The following DSCAM variants were observed in gnomAD, a reference collection of about 807,000 sequenced individuals.
The protein encoded by DSCAM is cell adhesion molecule DSCAM.
In DSCAM, 47 loss-of-function variants were observed where a neutral mutation model predicts 217.7. That is an observed-to-expected ratio of 0.22 (90% CI 0.17 to 0.28). The LOEUF (loss-of-function observed/expected upper bound fraction) is 0.28. Among genes scored for constraint, DSCAM ranks in the 10% least tolerant of loss-of-function variants. The probability of loss-of-function intolerance (pLI) is 1.00; values close to 1 mark genes in which losing one functional copy is unlikely to be tolerated. For missense variants in DSCAM, 2,080 were observed against 2,618.3 expected, an observed-to-expected ratio of 0.79 and a Z score of 4.49; for synonymous variants, 1,056 against 1,015.3, an observed-to-expected ratio of 1.04 and a Z score of -0.76.
chr21:40,239,931 A>G (rs916492300), intron 11 of DSCAM, among the ~76,000 whole-genome samples: 5 of 152,184 alleles, frequency 3.3e-5, no homozygotes, highest in African/African-American at 1.2e-4. Context: ...CGAGCATCTC[A>G]GTTATACTTC....
At chr21:40,816,326 A>G (rs2091881537) in intron 1 of DSCAM, among the ~76,000 whole-genome samples, 1 of 152,124 alleles carries the variant, frequency 6.6e-6, no homozygotes, top group East Asian at 1.9e-4. Flanking sequence ...AAATAAAAAG[A>G]GGGGGTGACC....
chr21:40,360,361 C>T (rs903113053), intron 4 of DSCAM, among the ~76,000 whole-genome samples: 2 of 151,806 alleles, frequency 1.3e-5, no homozygotes, highest in Non-Finnish European at 2.9e-5. Context: ...GTCTCTATCT[C>T]CTGACCTTGT....
chr21:40,800,715 C>CTTTTTTTT (rs34391500), intron 1 of DSCAM, among the ~76,000 whole-genome samples: 19 of 131,070 alleles, frequency 1.4e-4, no homozygotes, highest in East Asian at 1.2e-3. Context: ...TTCTTACTTT[C>CTTTTTTTT]TTTTTTTTTT....
intron 3 of DSCAM, among the ~76,000 whole-genome samples, chr21:40,487,867 G>A (rs114891532): frequency 0.011 from 1,653 of 152,300 alleles, 35 homozygotes; most frequent in African/African-American, 0.037. Flanking sequence ...AGAGAGAAGA[G>A]AGTTGTAGCC....
intron 3 of DSCAM, among the ~76,000 whole-genome samples, chr21:40,578,632 TG>T (rs1311097036): frequency 1.3e-5 from 2 of 152,212 alleles, no homozygotes; most frequent in African/African-American, 4.8e-5. Context: ...TTTGTTCTTT[TG>T]CTCTTCACAA....
intron 1 of DSCAM, among the ~76,000 whole-genome samples, chr21:40,795,815 C>T (rs1407017113): frequency 6.6e-6 from 1 of 152,170 alleles, no homozygotes; most frequent in Admixed American, 6.5e-5. Flanking sequence ...TTTTCTTTAA[C>T]TGCAGATGCC....
chr21:40,240,350 T>G (rs796189495), intron 11 of DSCAM, among the ~76,000 whole-genome samples: 2 of 58,576 alleles, frequency 3.4e-5, no homozygotes, highest in African/African-American at 2.3e-4. Context: ...TCCTCACTGG[T>G]TTTTTTTTTT....
At chr21:40,335,220 A>T (rs922571481) in intron 8 of DSCAM, among the ~76,000 whole-genome samples, 2 of 152,116 alleles carry the variant, frequency 1.3e-5, no homozygotes, top group Admixed American at 1.3e-4. Flanking sequence ...AACAACTGCC[A>T]TTTCTCTCCA....
intron 11 of DSCAM, among the ~76,000 whole-genome samples, chr21:40,249,020 G>A (rs1185008659): frequency 6.6e-6 from 1 of 152,156 alleles, no homozygotes; most frequent in Non-Finnish European, 1.5e-5. Flanking sequence ...AGGAAAGACT[G>A]ACCCCCATGA....
At chr21:40,453,038 CTT>C (rs1491132718) in intron 3 of DSCAM, among the ~76,000 whole-genome samples, 175 of 96,264 alleles carry the variant, frequency 1.8e-3, no homozygotes, top group South Asian at 0.013. Context: ...ATTTTAAAGA[CTT>C]TGTGTGTGTG....
chr21:40,079,297 A>T (rs2089418529), intron 25 of DSCAM, among the ~76,000 whole-genome samples: 1 of 152,138 alleles, frequency 6.6e-6, no homozygotes, highest in Non-Finnish European at 1.5e-5. Context: ...TGTGCTGGGC[A>T]CTTTTTCCAT....
chr21:40,764,790 GT>G (rs35414888), intron 1 of DSCAM, among the ~76,000 whole-genome samples: 47,445 of 151,978 alleles, frequency 0.31, 8,582 homozygotes, highest in East Asian at 0.4. Context: ...ATGAGTTCAT[GT>G]CCTTTGCAAG....
At chr21:40,759,731 T>TC (rs2146580839) in intron 1 of DSCAM, among the ~76,000 whole-genome samples, 1 of 152,154 alleles carries the variant, frequency 6.6e-6, no homozygotes, top group South Asian at 2.1e-4. Flanking sequence ...TCCCCATCCC[T>TC]CCTGCCATCA....
chr21:40,746,057 A>C (rs1029219329), intron 1 of DSCAM, among the ~76,000 whole-genome samples: 1 of 151,988 alleles, frequency 6.6e-6, no homozygotes, highest in Non-Finnish European at 1.5e-5. Flanking sequence ...TAATAGATAC[A>C]CTAAAAATAA....
chr21:40,451,500 C>T (rs1050544017), intron 3 of DSCAM, among the ~76,000 whole-genome samples: 4 of 152,094 alleles, frequency 2.6e-5, no homozygotes, highest in Admixed American at 6.5e-5. Context: ...CATAAGAATC[C>T]TACACAATTA....
chr21:40,586,780 T>C (rs1022563333), intron 3 of DSCAM, among the ~76,000 whole-genome samples: 9 of 152,216 alleles, frequency 5.9e-5, no homozygotes, highest in African/African-American at 2.2e-4. Context: ...GCCATGTCAA[T>C]ACTTACGCAA....
intron 3 of DSCAM, among the ~76,000 whole-genome samples, chr21:40,504,277 C>A (rs768927604): frequency 2.6e-5 from 4 of 152,114 alleles, no homozygotes; most frequent in Non-Finnish European, 5.9e-5. Flanking sequence ...AAGTCTGTAC[C>A]AGGGATGTTG....
At chr21:40,459,094 A>C (rs1601659847) in intron 3 of DSCAM, among the ~76,000 whole-genome samples, 1 of 152,106 alleles carries the variant, frequency 6.6e-6, no homozygotes, top group East Asian at 1.9e-4. Flanking sequence ...TAAAATACGA[A>C]CAAAAAAGCA....
intron 16 of DSCAM, among the ~76,000 whole-genome samples, chr21:40,162,545 G>T (rs2090550742): frequency 6.6e-6 from 1 of 152,182 alleles, no homozygotes; most frequent in Non-Finnish European, 1.5e-5. Context: ...TTTTCCTGTT[G>T]TAAGAGCTCA....
Sources: allele counts gnomAD v4.1 joint callset (sites outside exome capture counted in the v4.1 genomes callset), GRCh38; gene constraint gnomAD v4.1.1; transcripts MANE v1.5; gene names NCBI Gene and HGNC (gene_info 2026-07-23, HGNC 2026-07-21).